The following MATCAP2 variants were observed in gnomAD, a reference collection of about 807,000 sequenced individuals.
MATCAP2 encodes the protein microtubule associated tyrosine carboxypeptidase 2.
At chr7:36,357,153 C>A in the MATCAP2 span, 1 of 1,614,142 alleles carries the variant, frequency 6.2e-7, no homozygotes, top group East Asian at 2.2e-5. Flanking sequence ...CACCACTTGA[C>A]CTTGCTTTTG....
At chr7:36,343,908 A>G in the MATCAP2 span, among the ~76,000 whole-genome samples, 2 of 152,166 alleles carry the variant, frequency 1.3e-5, no homozygotes, top group Non-Finnish European at 2.9e-5. Flanking sequence ...TTTCTTAGCA[A>G]TAAAAAGACC....
At chr7:36,379,753 A>G in the MATCAP2 span, among the ~76,000 whole-genome samples, 4 of 151,764 alleles carry the variant, frequency 2.6e-5, no homozygotes, top group South Asian at 2.1e-4. Flanking sequence ...CTGCTAGTCT[A>G]CAAACCTGTA....
the MATCAP2 span, among the ~76,000 whole-genome samples, chr7:36,343,736 A>G: frequency 5.3e-5 from 8 of 152,044 alleles, no homozygotes; most frequent in African/African-American, 1.9e-4. Flanking sequence ...TGTTTAAAGA[A>G]GTATAAAAAA....
chr7:36,334,983 G>T, the MATCAP2 span: 2 of 1,475,702 alleles, frequency 1.4e-6, no homozygotes, highest in Admixed American at 2.3e-5. Context: ...CCTTCTAAAA[G>T]AACATTTCTT....
chr7:36,333,776 G>T, the MATCAP2 span: 1 of 1,185,770 alleles, frequency 8.4e-7, no homozygotes, highest in South Asian at 1.9e-5. Context: ...TGAATTTTGT[G>T]ATTCAGGGAT....
At chr7:36,328,869 C>A in the MATCAP2 span, among the ~76,000 whole-genome samples, 1 of 151,994 alleles carries the variant, frequency 6.6e-6, no homozygotes, top group Non-Finnish European at 1.5e-5. Flanking sequence ...CACGGAGAAA[C>A]CCTGTCTCTA....
chr7:36,360,130 T>C, the MATCAP2 span, among the ~76,000 whole-genome samples: 1 of 152,174 alleles, frequency 6.6e-6, no homozygotes, highest in South Asian at 2.1e-4. Context: ...ATTCATTACA[T>C]ATATGTTGTA....
the MATCAP2 span, among the ~76,000 whole-genome samples, chr7:36,360,653 T>C: frequency 3.3e-5 from 5 of 152,330 alleles, no homozygotes; most frequent in African/African-American, 1.2e-4. Flanking sequence ...TGTATTTCAG[T>C]TACATTAAAA....
At chr7:36,369,572 A>G in the MATCAP2 span, among the ~76,000 whole-genome samples, 1 of 152,230 alleles carries the variant, frequency 6.6e-6, no homozygotes, top group Non-Finnish European at 1.5e-5. Flanking sequence ...TGCTTTTACT[A>G]AAGTATGTTT....
At chr7:36,339,684 C>G in the MATCAP2 span, among the ~76,000 whole-genome samples, 1 of 152,154 alleles carries the variant, frequency 6.6e-6, no homozygotes, top group South Asian at 2.1e-4. Flanking sequence ...TAATAGTCAC[C>G]AGTTATCCAT....
At chr7:36,360,914 T>C in the MATCAP2 span, among the ~76,000 whole-genome samples, 1 of 152,196 alleles carries the variant, frequency 6.6e-6, no homozygotes, top group African/African-American at 2.4e-5. Context: ...TTAAAAAGCA[T>C]ACTTTCTCAC....
At chr7:36,365,384 G>A in the MATCAP2 span, among the ~76,000 whole-genome samples, 2 of 152,134 alleles carry the variant, frequency 1.3e-5, 1 homozygote, top group Non-Finnish European at 2.9e-5. Flanking sequence ...CATCCCACAA[G>A]GAAGAACTAT....
At chr7:36,377,644 G>A in the MATCAP2 span, among the ~76,000 whole-genome samples, 1 of 152,116 alleles carries the variant, frequency 6.6e-6, no homozygotes, top group Non-Finnish European at 1.5e-5. Context: ...TTGAATGTTG[G>A]CCTGCCTTGC....
the MATCAP2 span, among the ~76,000 whole-genome samples, chr7:36,370,317 C>T: frequency 6.6e-6 from 1 of 152,174 alleles, no homozygotes; most frequent in East Asian, 1.9e-4. Flanking sequence ...AATGAACAAT[C>T]TCATCTTTCT....
At chr7:36,332,082 A>ATTCT in the MATCAP2 span, among the ~76,000 whole-genome samples, 21 of 152,212 alleles carry the variant, frequency 1.4e-4, 1 homozygote, top group Non-Finnish European at 4.4e-5. Context: ...CATATTAATC[A>ATTCT]TTCTTTTGTA....
At chr7:36,366,357 A>G in the MATCAP2 span, among the ~76,000 whole-genome samples, 8 of 152,218 alleles carry the variant, frequency 5.3e-5, no homozygotes, top group African/African-American at 1.9e-4. Flanking sequence ...AAATGCAGGT[A>G]AACTTCCAGA....
At chr7:36,375,898 G>A in the MATCAP2 span, among the ~76,000 whole-genome samples, 5 of 152,230 alleles carry the variant, frequency 3.3e-5, no homozygotes, top group African/African-American at 1.2e-4. Context: ...AGTATTCTCT[G>A]ATGGTAGTTT....
the MATCAP2 span, chr7:36,367,336 G>A: frequency 1.0e-6 from 1 of 999,124 alleles, no homozygotes; most frequent in Non-Finnish European, 1.2e-6. Flanking sequence ...GAGAGAGTGG[G>A]AGGAACTACA....
At chr7:36,344,824 T>C in the MATCAP2 span, among the ~76,000 whole-genome samples, 1 of 152,230 alleles carries the variant, frequency 6.6e-6, no homozygotes, top group Non-Finnish European at 1.5e-5. Flanking sequence ...GCCACTTCCC[T>C]AAAAATCCAG....
Sources: gnomAD v4.1 joint callset for allele counts (sites outside exome capture counted in the v4.1 genomes callset) on GRCh38, gnomAD v4.1.1 for gene constraint, MANE v1.5 for transcripts, NCBI Gene and HGNC (gene_info 2026-07-23, HGNC 2026-07-21) for gene names.